SLCO5A1: variants seen among roughly 807,000 people sequenced by gnomAD.
The protein encoded by SLCO5A1 is solute carrier organic anion transporter family member 5A1, also known as organic anion transporter polypeptide-related protein 4.
A neutral mutation model predicts 65.1 loss-of-function variants in SLCO5A1; 39 were observed. That is an observed-to-expected ratio of 0.60 (90% CI 0.46 to 0.78). The LOEUF is 0.78. SLCO5A1 is among the 30% of genes least tolerant of loss of function. SLCO5A1 has a pLI of 0.00. For synonymous variants in SLCO5A1, 438 were observed against 415.7 expected, an observed-to-expected ratio of 1.05 and a Z score of -0.65; for missense variants, 1,029 against 1,069.4, an observed-to-expected ratio of 0.96 and a Z score of 0.53.
intron 6 of SLCO5A1, among the ~76,000 whole-genome samples, chr8:69,689,332 CTTTAG>C (rs1213199820): frequency 1.0e-5 from 1 of 99,650 alleles, no homozygotes; most frequent in East Asian, 2.7e-4. Context: ...TGCAGAAGCT[CTTTAG>C]TTTAATTAGA....
chr8:69,781,143 G>A (rs753866104), intron 2 of SLCO5A1, among the ~76,000 whole-genome samples: 5 of 152,222 alleles, frequency 3.3e-5, no homozygotes, highest in Non-Finnish European at 5.9e-5. Flanking sequence ...CTGAGTCACT[G>A]CCAGGAAGCA....
intron 2 of SLCO5A1, among the ~76,000 whole-genome samples, chr8:69,765,648 AG>A (rs1297637610): frequency 6.6e-6 from 1 of 152,164 alleles, no homozygotes; most frequent in African/African-American, 2.4e-5. Flanking sequence ...TACTGACTGA[AG>A]GTAAAGGTCT....
chr8:69,716,563 G>A (rs1412925379), intron 5 of SLCO5A1, among the ~76,000 whole-genome samples: 1 of 152,180 alleles, frequency 6.6e-6, no homozygotes, highest in Non-Finnish European at 1.5e-5. Flanking sequence ...GCATATCCGT[G>A]ATAACTAACA....
chr8:69,730,173 T>C (rs1816267356), intron 5 of SLCO5A1, among the ~76,000 whole-genome samples: 1 of 152,206 alleles, frequency 6.6e-6, no homozygotes, highest in Non-Finnish European at 1.5e-5. Context: ...CTACATCTAG[T>C]TAAGTCACAG....
intron 6 of SLCO5A1, among the ~76,000 whole-genome samples, chr8:69,691,237 T>C (rs1003906806): frequency 6.6e-6 from 1 of 152,096 alleles, no homozygotes; most frequent in Non-Finnish European, 1.5e-5. Context: ...GGGAATGTAA[T>C]TATGTGAGTT....
intron 2 of SLCO5A1, among the ~76,000 whole-genome samples, chr8:69,825,900 C>A (rs1428854037): frequency 6.6e-6 from 1 of 152,112 alleles, no homozygotes; most frequent in African/African-American, 2.4e-5. Context: ...CTACAGTAAC[C>A]AAAACAGCAT....
At chr8:69,768,847 A>G (rs1818191894) in intron 2 of SLCO5A1, among the ~76,000 whole-genome samples, 1 of 151,792 alleles carries the variant, frequency 6.6e-6, no homozygotes, top group South Asian at 2.1e-4. Flanking sequence ...AACCCAACTG[A>G]AGCCATATCA....
chr8:69,752,747 AAAT>A (rs1817372229), intron 4 of SLCO5A1, among the ~76,000 whole-genome samples: 1 of 152,248 alleles, frequency 6.6e-6, no homozygotes, highest in Admixed American at 6.5e-5. Context: ...GTACAAGTGG[AAAT>A]AATAAAATGA....
At chr8:69,812,904 T>C (rs1196258853) in intron 2 of SLCO5A1, among the ~76,000 whole-genome samples, 1 of 152,244 alleles carries the variant, frequency 6.6e-6, no homozygotes, top group African/African-American at 2.4e-5. Context: ...TACGAAGATT[T>C]TTCATCTTGT....
intron 4 of SLCO5A1, among the ~76,000 whole-genome samples, chr8:69,750,043 C>A (rs1178881693): frequency 6.6e-6 from 1 of 152,154 alleles, no homozygotes; most frequent in Non-Finnish European, 1.5e-5. Flanking sequence ...TGAGGACCAA[C>A]AATGAGCCCA....
At chr8:69,784,912 A>G (rs1818977383) in intron 2 of SLCO5A1, among the ~76,000 whole-genome samples, 1 of 108,488 alleles carries the variant, frequency 9.2e-6, no homozygotes, top group Non-Finnish European at 1.9e-5. Flanking sequence ...GAAAGAAAGA[A>G]AGAAAGAAAG....
intron 5 of SLCO5A1, among the ~76,000 whole-genome samples, chr8:69,728,250 T>C (rs960954058): frequency 2.0e-5 from 3 of 152,160 alleles, no homozygotes; most frequent in Middle Eastern, 3.2e-3. Flanking sequence ...TACTTATGTA[T>C]TTAAAAAGAA....
At chr8:69,714,123 C>T (rs150933315) in intron 5 of SLCO5A1, among the ~76,000 whole-genome samples, 2 of 152,312 alleles carry the variant, frequency 1.3e-5, no homozygotes, top group African/African-American at 4.8e-5. Flanking sequence ...CTTTCTCTTT[C>T]ATATATCTCA....
At chr8:69,801,902 G>A (rs915749647) in intron 2 of SLCO5A1, among the ~76,000 whole-genome samples, 7 of 152,158 alleles carry the variant, frequency 4.6e-5, no homozygotes, top group Admixed American at 1.3e-4. Context: ...AGTCTCAAAC[G>A]TCATCTTCCA....
intron 2 of SLCO5A1, among the ~76,000 whole-genome samples, chr8:69,814,901 A>G (rs913920700): frequency 2.0e-5 from 3 of 152,262 alleles, no homozygotes; most frequent in Non-Finnish European, 4.4e-5. Context: ...AGCCAGGCAC[A>G]GAAAGACAAA....
At chr8:69,699,852 C>A (rs1243965992) in intron 6 of SLCO5A1, among the ~76,000 whole-genome samples, 1 of 152,214 alleles carries the variant, frequency 6.6e-6, no homozygotes, top group Non-Finnish European at 1.5e-5. Context: ...GGTGAGGTGG[C>A]TCACGCCTGT....
intron 9 of SLCO5A1, 53 bp downstream of exon 9, chr8:69,676,556 T>C: frequency 5.4e-6 from 8 of 1,494,054 alleles, no homozygotes; most frequent in Non-Finnish European, 7.4e-6. Context: ...CAGTGAAAAT[T>C]TGCCATCTGC....
rs764991855 is a variant in SLCO5A1 at position 69,832,356 on chromosome 8, C to T, written c.318G>A (p.Ser106=). The T allele has an allele frequency of 6.2e-7, 1 of 1,613,990 alleles. No individual in the cohort carries two copies. Among genetic ancestry groups the T allele is most frequent in the South Asian group, 1.1e-5 (1 of 91,062 alleles). ...GGAGCATGGCCAAGGCGGAGGACAC[C>T]GAGAAGGTTTTGCTGAGGTCCACCC... is the stretch of plus-strand genomic sequence containing the variant. The part of the protein sequence containing the change: ...NHRVDLSKTF[S]VSSALAMLQE... The change falls in exon 2 of 10, where the codon TCG becomes TCA. Residue 106 remains serine, a synonymous_variant. Coordinates refer to ENST00000260126, the MANE Select transcript of SLCO5A1 (RefSeq NM_030958.3). This position sits in a 1 kb window ranked among gnomAD's most constrained non-coding sequence, Gnocchi z 4.5.
chr8:69,755,610 T>C lies in SLCO5A1; in HGVS notation c.1072A>G (p.Met358Val), dbSNP rs34036248. Reference protein sequence around the residue: ...WSGFLLCAIAMFLVIFPMFTF... With the variant: ...WSGFLLCAIAVFLVIFPMFTF... ...AACATTGGGAATATCACAAGAAACA[T>C]TGCAATGGCACAAAGGAGGAATCCA... Residue 358 changes from methionine to valine, a missense_variant, in exon 4 of 10, where the codon ATG becomes GTG. This residue lies in a region of SLCO5A1 where 647 missense variants were observed against 647.5 expected (regional missense o/e 1.00). Coordinates refer to ENST00000260126, the MANE Select transcript of SLCO5A1 (RefSeq NM_030958.3). 1.9e-3 allele frequency: 3,014 copies of C among 1,613,898 alleles called. 8 individuals are homozygous for C. The highest frequency in any genetic ancestry group is 2.6e-3 in the Middle Eastern group (16 of 6,054).
Sources: allele counts gnomAD v4.1 joint callset (sites outside exome capture counted in the v4.1 genomes callset), GRCh38; gene constraint gnomAD v4.1.1; regional missense constraint gnomAD v4.1.1; non-coding constraint Gnocchi (gnomAD v3.1); transcripts MANE v1.5; gene names NCBI Gene and HGNC (gene_info 2026-07-23, HGNC 2026-07-21).